SPATA31E1: variants seen among roughly 807,000 people sequenced by gnomAD.
The protein encoded by SPATA31E1 is spermatogenesis-associated protein 31E1.
SPATA31E1 carries 7 observed loss-of-function variants against 12.9 expected under a neutral mutation model. The ratio of observed to expected loss-of-function variants is 0.54; its 90% CI spans 0.31 to 1.02. The LOEUF (loss-of-function observed/expected upper bound fraction) is 1.02, where lower values mean the gene tolerates loss of function less well. SPATA31E1 is among the 50% of genes least tolerant of loss of function. The pLI is 0.05. For missense variants in SPATA31E1, 1,961 were observed against 1,799.8 expected (o/e 1.09, Z -1.62); for synonymous variants, 771 against 719.0 (o/e 1.07, Z -1.16).
Position 87,885,357 on chromosome 9 carries a change from C to T in SPATA31E1, c.870C>T (p.Thr290=), listed in dbSNP as rs150880310. 8.3e-5 allele frequency: 134 copies of T among 1,613,884 alleles called. No individual in the cohort carries two copies. Among genetic ancestry groups the T allele is most frequent in the Middle Eastern group, 6.6e-4 (4 of 6,082 alleles). The change falls in exon 4 of 4, where the codon ACC becomes ACT. Residue 290 remains threonine, a synonymous_variant. Coordinates refer to ENST00000325643, the MANE Select transcript of SPATA31E1 (RefSeq NM_178828.5). ...ACAACCAGGTGCTGCCTCCTCCAAC[C>T]AGGGTGATCTCTGGCCTGGGGTGCT... ...PLHNQVLPPP[T]RVISGLGCSS... is the part of the protein sequence containing the mutation.
intron 2 of SPATA31E1, 53 bp from the exon 3 acceptor site, chr9:87,884,538 T>A: frequency 6.3e-7 from 1 of 1,597,402 alleles, no homozygotes; most frequent in Non-Finnish European, 8.6e-7. Flanking sequence ...TCAGCCTCCA[T>A]GAGGTTCCCA....
At position 87,886,232 on chromosome 9, in the gene SPATA31E1, C is replaced by T; in HGVS notation, c.1745C>T (p.Pro582Leu). ...CGACCAAAGTGGAAGAGGGTTTTGCCCTCTCTCCTCAAAAAGTCTCAGGCT... is the reference window on the plus strand; with the variant it reads ...CGACCAAAGTGGAAGAGGGTTTTGCTCTCTCTCCTCAAAAAGTCTCAGGCT... ...KKRPKWKRVL[P>L]SLLKKSQAVL... Residue 582 changes from proline (P) to leucine (L), a missense_variant, in exon 4 of 4, where the codon CCC becomes CTC. Pro to Leu is a moderately conservative substitution (Grantham distance 98). Coordinates refer to ENST00000325643, the MANE Select transcript of SPATA31E1 (RefSeq NM_178828.5). 1 of 1,613,798 alleles carries T rather than the reference C, an allele frequency of 6.2e-7. No individual in the cohort carries two copies.
Position 87,885,272 on chromosome 9 carries a change from G to T in SPATA31E1, c.785G>T (p.Ser262Ile). Residue 262 changes from serine (S) to isoleucine (I), a missense_variant, in exon 4 of 4, where the codon AGC becomes ATC. Transcript: ENST00000325643. ...LASSPPPPDS[S>I]LAGLQCGSTT... ...TCCTCTCCACCTCCACCCGACTCCA[G>T]CCTGGCTGGACTTCAGTGTGGCTCC... 3 of 1,614,068 alleles carry T rather than the reference G, an allele frequency of 1.9e-6. No individual in the cohort carries two copies. Among genetic ancestry groups the T allele is most frequent in the Non-Finnish European group, 2.5e-6 (3 of 1,179,978 alleles).
At chr9:87,884,204 G>A (rs930627427) in intron 2 of SPATA31E1, among the ~76,000 whole-genome samples, 158 bp downstream of exon 2, 3 of 152,206 alleles carry the variant, frequency 2.0e-5, no homozygotes, top group Non-Finnish European at 4.4e-5. Context: ...CACGGGCCTG[G>A]GACCGGTATT....
At chr9:87,883,969 C>T in intron 1 of SPATA31E1, 23 bp from the exon 2 acceptor site, 1 of 1,598,762 alleles carries the variant, frequency 6.3e-7, no homozygotes. Context: ...GGTCCCAGCC[C>T]CTCATCCTTT....
intron 3 of SPATA31E1, 85 bp downstream of exon 3, chr9:87,884,736 G>T: frequency 3.2e-6 from 5 of 1,571,512 alleles, no homozygotes; most frequent in Non-Finnish European, 4.4e-6. Context: ...GATCTGGGAG[G>T]GGGAGGTCCC....
rs1277646717 is a variant in SPATA31E1, at chr9:87,886,072, C to T, written c.1585C>T (p.Pro529Ser). 6 of 1,610,980 alleles carry T rather than the reference C, an allele frequency of 3.7e-6. No homozygotes were observed. The Admixed American group carries it at 6.7e-5, about 18-fold the overall frequency. Residue 529 changes from proline to serine, a missense_variant, in exon 4 of 4, where the codon CCC becomes TCC. Physicochemically the swap from Pro to Ser is moderately conservative, Grantham distance 74. Coordinates refer to ENST00000325643, the MANE Select transcript of SPATA31E1 (RefSeq NM_178828.5). ...GATCCAGACCCAGGCCCACCTCTCACCCCCTGTCCCAAGCCTGGGGTGCTC... is the reference window on the plus strand; with the variant it reads ...GATCCAGACCCAGGCCCACCTCTCATCCCCTGTCCCAAGCCTGGGGTGCTC... The part of the protein sequence containing the change: ...AEIQTQAHLS[P>S]PVPSLGCSSP...
intron 2 of SPATA31E1, 117 bp downstream of exon 2, chr9:87,884,163 G>C: frequency 2.3e-6 from 3 of 1,288,972 alleles, no homozygotes; most frequent in Non-Finnish European, 3.2e-6. Flanking sequence ...CAGAACCTGC[G>C]GCCTCCTCAG....
At position 87,886,212 on chromosome 9, in the gene SPATA31E1, A is replaced by C; in HGVS notation, c.1725A>C (p.Pro575=). Reference sequence around the variant, plus strand: ...TTGAATGGCCCTTGAAGAAGCGACCAAAGTGGAAGAGGGTTTTGCCCTCTC... The same window carrying C: ...TTGAATGGCCCTTGAAGAAGCGACCCAAGTGGAAGAGGGTTTTGCCCTCTC... ...EYLEWPLKKR[P]KWKRVLPSLL... is the part of the protein sequence containing the mutation. The change falls in exon 4 of 4, where the codon CCA becomes CCC. Residue 575 remains proline, a synonymous_variant. Transcript: ENST00000325643. 8 of 1,613,604 alleles carry C rather than the reference A, an allele frequency of 5.0e-6. No homozygotes were observed. Among genetic ancestry groups the C allele is most frequent in the Non-Finnish European group, 5.9e-6 (7 of 1,179,774 alleles).
Position 87,887,091 on chromosome 9 carries a change from G to A in SPATA31E1, c.2604G>A (p.Pro868=), listed in dbSNP as rs551924151. The change falls in exon 4 of 4, where the codon CCG becomes CCA. Residue 868 remains proline, a synonymous_variant. Transcript: ENST00000325643. ...TCTGGTCAGGTGAGGCTCAGGCCCCGCCCTTCCCACAATCCACCTTTACCC... is the reference window on the plus strand; with the variant it reads ...TCTGGTCAGGTGAGGCTCAGGCCCCACCCTTCCCACAATCCACCTTTACCC... The part of the protein sequence containing the change: ...INVWSGEAQA[P]PFPQSTFTPW... The A allele has an allele frequency of 2.0e-5, 33 of 1,614,000 alleles. No individual in the cohort carries two copies. Among genetic ancestry groups the A allele is most frequent in the Middle Eastern group, 1.6e-4 (1 of 6,062 alleles).
rs1463221481 is a variant in SPATA31E1 at position 87,887,205 on chromosome 9, C to A, written c.2718C>A (p.Asn906Lys). ...GTCCTCAGAATGGTCCAGGAGACAACAGAACAACAAGCAAGTCAGTCCCGA... is the reference window on the plus strand; with the variant it reads ...GTCCTCAGAATGGTCCAGGAGACAAAAGAACAACAAGCAAGTCAGTCCCGA... ...GKRPQNGPGD[N>K]RTTSKSVPTV... Residue 906 changes from asparagine (N) to lysine (K), a missense_variant, in exon 4 of 4, where the codon AAC becomes AAA. Coordinates refer to ENST00000325643, the MANE Select transcript of SPATA31E1 (RefSeq NM_178828.5). The A allele has an allele frequency of 1.9e-6, 3 of 1,613,952 alleles. No individual in the cohort carries two copies. In the African/African-American group the frequency reaches 4.0e-5, roughly 22 times the overall value.
At position 87,884,902 on chromosome 9, in the gene SPATA31E1, G is replaced by C. The variant is rs1414501938; in HGVS notation, c.426-11G>C. On this transcript the variant is annotated splice_polypyrimidine_tract_variant and intron_variant, in intron 3 of 3. Transcript: ENST00000325643. ...CCCCTGGCTGCAGCTTGTGCCTCTT[G>C]TCTCCTGCAGCCACCTGAGGAAGCT... 6 of 1,595,904 alleles carry C rather than the reference G, an allele frequency of 3.8e-6. No individual in the cohort carries two copies. The highest frequency in any genetic ancestry group is 3.4e-5 in the South Asian group (3 of 88,862).
In SPATA31E1 at chr9:87,888,529, G is replaced by T. The variant is rs564832668; in HGVS notation, c.4042G>T (p.Asp1348Tyr). 8 of 1,614,146 alleles carry T rather than the reference G, an allele frequency of 5.0e-6. No homozygotes were observed. The African/African-American group carries it at 9.3e-5, about 19-fold the overall frequency. Residue 1348 changes from aspartate to tyrosine, a missense_variant, in exon 4 of 4, where the codon GAC becomes TAC. Transcript: ENST00000325643. The part of the protein sequence containing the change: ...GPSEVNRHKG[D>Y]FRAQENVPSC... ...CTCAGAGGTCAATCGCCACAAAGGTGACTTCCGCGCCCAGGAGAATGTGCC... is the reference window on the plus strand; with the variant it reads ...CTCAGAGGTCAATCGCCACAAAGGTTACTTCCGCGCCCAGGAGAATGTGCC...
rs1828192611 is a variant in SPATA31E1 at position 87,882,919 on chromosome 9, AAGGGC to A, written c.37_41del (p.Ala13GlnfsTer3). 20 of 1,612,762 alleles carry A rather than the reference AAGGGC, an allele frequency of 1.2e-5. No homozygotes were observed. Among genetic ancestry groups the A allele is most frequent in the Non-Finnish European group, 1.7e-5 (20 of 1,179,854 alleles). The stretch of plus-strand genomic sequence containing the variant: ...GGGAAATCTCGTCATCCCTCTAGGG[AAGGGC>A]AGGGCAGGCAGGGTTGAGAGTGGGC... On this transcript the variant is annotated frameshift_variant, in exon 1 of 4. Transcript: ENST00000325643. LOFTEE classifies it high-confidence loss of function.
chr9:87,885,454 C>T lies in SPATA31E1; in HGVS notation c.967C>T (p.His323Tyr). The T allele has an allele frequency of 6.2e-7, 1 of 1,614,036 alleles. No individual in the cohort carries two copies. Among genetic ancestry groups the T allele is most frequent in the South Asian group, 1.1e-5 (1 of 91,070 alleles). The stretch of plus-strand genomic sequence containing the variant: ...CACCTGGGGCCTCTCCACCTACTCA[C>T]ATGGCAAATCCCAGCCACGGCATCT... ...ATTWGLSTYSHGKSQPRHLPD... is the reference protein window; with the variant it reads ...ATTWGLSTYSYGKSQPRHLPD... The change falls in exon 4 of 4, where the codon CAT (histidine) becomes TAT (tyrosine). Residue 323 changes from histidine to tyrosine, a missense_variant. His to Tyr is a moderately conservative substitution (Grantham distance 83). Transcript: ENST00000325643.
chr9:87,885,686 T>C lies in SPATA31E1; in HGVS notation c.1199T>C (p.Ile400Thr), dbSNP rs1475866688. 13 of 1,613,338 alleles carry C rather than the reference T, an allele frequency of 8.1e-6. No homozygotes were observed. Among genetic ancestry groups the C allele is most frequent in the Middle Eastern group, 1.6e-4 (1 of 6,082 alleles). The change falls in exon 4 of 4, where the codon ATC becomes ACC. Residue 400 changes from isoleucine (I) to threonine (T), a missense_variant. Physicochemically the swap from Ile to Thr is moderately conservative, Grantham distance 89 (BLOSUM62 -1). Transcript: ENST00000325643. ...ACATCACTGGGGAAGGAGTGGGACA[T>C]CACGACCCTAAATCCCTTCTGGAAC... ...HMTSLGKEWD[I>T]TTLNPFWNVS...
Position 87,888,759 on chromosome 9 carries a change from C to T in SPATA31E1, c.4272C>T (p.Ser1424=). The T allele has an allele frequency of 6.2e-7, 1 of 1,613,336 alleles. No individual in the cohort carries two copies. The highest frequency in any genetic ancestry group is 8.5e-7 in the Non-Finnish European group (1 of 1,179,948). ...ACCACCACAGGCCAAGAATGGCAAG[C>T]ACCTCGGGCGGCCCCCATCCACAGC... ...GPHHHRPRMA[S]TSGGPHPQLQ... The change falls in exon 4 of 4, where the codon AGC becomes AGT. Residue 1424 remains serine, a synonymous_variant. Transcript: ENST00000325643.
In SPATA31E1 at chr9:87,887,579, A is replaced by G; in HGVS notation, c.3092A>G (p.Asp1031Gly). 1 of 1,614,128 alleles carries G rather than the reference A, an allele frequency of 6.2e-7. No individual in the cohort carries two copies. Among genetic ancestry groups the G allele is most frequent in the Non-Finnish European group, 8.5e-7 (1 of 1,180,024 alleles). ...SIGSQWARAE[D>G]ALQALKVGEK... is the part of the protein sequence containing the mutation. ...GGGTCCCAGTGGGCAAGGGCTGAAG[A>G]TGCCCTGCAGGCACTGAAAGTGGGG... is the stretch of plus-strand genomic sequence containing the variant. Residue 1031 changes from aspartate to glycine, a missense_variant, in exon 4 of 4, where the codon GAT becomes GGT. Coordinates refer to ENST00000325643, the MANE Select transcript of SPATA31E1 (RefSeq NM_178828.5).
In SPATA31E1 at chr9:87,886,192, TGG is replaced by T. The variant is rs757262899; in HGVS notation, c.1706_1707del (p.Trp569SerfsTer54). ...CCCCACTGGAAAGGAGTATCTTGAA[TGG>T]CCCTTGAAGAAGCGACCAAAGTGGA... is the stretch of plus-strand genomic sequence containing the variant. The part of the protein sequence containing the change: ...VIPTGKEYLE[W>X]PLKKRPKWKR... On this transcript the variant is annotated frameshift_variant, in exon 4 of 4. Coordinates refer to ENST00000325643, the MANE Select transcript of SPATA31E1 (RefSeq NM_178828.5). LOFTEE classifies it low-confidence loss of function (END_TRUNC). 24 of 1,611,912 alleles carry T rather than the reference TGG, an allele frequency of 1.5e-5. No individual in the cohort carries two copies. In the African/African-American group the frequency reaches 2.7e-4, roughly 18 times the overall value.
Sources: allele counts gnomAD v4.1 joint callset (sites outside exome capture counted in the v4.1 genomes callset), GRCh38; gene constraint gnomAD v4.1.1; transcripts MANE v1.5; gene names NCBI Gene and HGNC (gene_info 2026-07-23, HGNC 2026-07-21).